Variants in JAKMIP2 observed in about 807,000 individuals in gnomAD.
JAKMIP2 encodes the protein janus kinase and microtubule-interacting protein 2.
JAKMIP2 carries 25 observed loss-of-function variants against 115.0 expected under a neutral mutation model. That is an observed-to-expected ratio of 0.22 (90% CI 0.16 to 0.30). The LOEUF is 0.30. Ranked by LOEUF, JAKMIP2 falls within the 10% of genes least tolerant of loss-of-function variation. The pLI, the probability that JAKMIP2 is intolerant of heterozygous loss-of-function variation, is 1.00. For missense variants in JAKMIP2, 642 were observed against 957.6 expected, an observed-to-expected ratio of 0.67 and a Z score of 4.35; for synonymous variants, 334 against 343.6, an observed-to-expected ratio of 0.97 and a Z score of 0.31.
chr5:147,632,612 T>C (rs1757417811), intron 13 of JAKMIP2, 68 bp downstream of exon 13: 2 of 988,050 alleles, frequency 2.0e-6, no homozygotes, highest in Non-Finnish European at 3.2e-6. Context: ...AGCGCCTAGC[T>C]CCTCAATGTG....
chr5:147,601,996 T>C (rs1755721376), intron 20 of JAKMIP2, among the ~76,000 whole-genome samples, 185 bp from the exon 21 acceptor site: 1 of 152,230 alleles, frequency 6.6e-6, no homozygotes, highest in Non-Finnish European at 1.5e-5. Flanking sequence ...AGTGTTCAAC[T>C]AACATTGATT....
chr5:147,595,520 C>T, intron 21 of JAKMIP2: 2 of 455,282 alleles, frequency 4.4e-6, no homozygotes, highest in Middle Eastern at 6.1e-4. Context: ...CCTCGATCTT[C>T]AATTTCCAGC....
At chr5:147,751,075 T>C (rs1302225092) in intron 1 of JAKMIP2, among the ~76,000 whole-genome samples, 1 of 68,534 alleles carries the variant, frequency 1.5e-5, no homozygotes, top group African/African-American at 1.1e-4. Context: ...TCAGAATGAC[T>C]TTTTTTTTTT....
chr5:147,675,023 C>T (rs1260456063), intron 1 of JAKMIP2, among the ~76,000 whole-genome samples: 2 of 152,150 alleles, frequency 1.3e-5, no homozygotes, highest in Non-Finnish European at 2.9e-5. Flanking sequence ...TTAAACGTTA[C>T]TATTGTTTTG....
intron 1 of JAKMIP2, among the ~76,000 whole-genome samples, chr5:147,738,995 G>C (rs1754033334): frequency 6.6e-6 from 1 of 152,100 alleles, no homozygotes; most frequent in Admixed American, 6.6e-5. Flanking sequence ...CAAAATTTTT[G>C]CGGGTGAAAT....
intron 1 of JAKMIP2, among the ~76,000 whole-genome samples, chr5:147,776,830 A>G (rs1184705130): frequency 1.3e-5 from 2 of 152,188 alleles, no homozygotes; most frequent in Non-Finnish European, 2.9e-5. Context: ...CAGGAGACTA[A>G]GGCACAAGAA....
intron 2 of JAKMIP2, among the ~76,000 whole-genome samples, chr5:147,665,545 T>C (rs1759253033): frequency 6.6e-6 from 1 of 152,208 alleles, no homozygotes; most frequent in Non-Finnish European, 1.5e-5. Flanking sequence ...GGGAAACTTT[T>C]AGCCATTCTT....
chr5:147,622,687 C>T lies in JAKMIP2; in HGVS notation c.2064+934G>A, dbSNP rs375010081. 1.9e-3 allele frequency among the ~76,000 whole-genome samples: 295 copies of T among 152,310 alleles called. 3 individuals are homozygous for T. Among genetic ancestry groups the T allele is most frequent in the African/African-American group, 6.9e-3 (288 of 41,562 alleles). On this transcript the variant is annotated intron_variant, in intron 17 of 21. Coordinates refer to ENST00000616793, the MANE Select transcript of JAKMIP2 (RefSeq NM_001270941.2). ...CATTTGGGTTACTTCTACCTTTTGGCTATTGTGAATAATGCTGCTATGAAC... is the reference window on the plus strand; with the variant it reads ...CATTTGGGTTACTTCTACCTTTTGGTTATTGTGAATAATGCTGCTATGAAC...
rs368386191 is a variant in JAKMIP2, at chr5:147,588,529, C to T, written c.*3178G>A. ...ACACATATCCACAATTTTGCTGATG[C>T]TTTTATAATTGTGAAAATGGATAAT... On this transcript the variant is annotated 3_prime_UTR_variant, in exon 22 of 22. Coordinates refer to ENST00000616793, the MANE Select transcript of JAKMIP2 (RefSeq NM_001270941.2). 14 of 151,066 alleles carry T rather than the reference C, an allele frequency of 9.3e-5. No homozygotes were observed. The South Asian group carries it at 2.5e-3, about 27-fold the overall frequency. The allele number at this position is 151,066 out of a possible 1,614,324, so 9.4% of individuals were successfully genotyped here.
At chr5:147,665,374 C>A (rs921345088) in intron 2 of JAKMIP2, among the ~76,000 whole-genome samples, 3 of 152,116 alleles carry the variant, frequency 2.0e-5, no homozygotes, top group Admixed American at 1.3e-4. Context: ...GCCTTGTTTT[C>A]TATTGATTTA....
At chr5:147,652,894 T>C (rs559946513) in intron 3 of JAKMIP2, among the ~76,000 whole-genome samples, 1 of 152,138 alleles carries the variant, frequency 6.6e-6, no homozygotes, top group Non-Finnish European at 1.5e-5. Flanking sequence ...GTGTGTGATG[T>C]TCCCCTCCCT....
rs1282704826 is a variant in JAKMIP2 at position 147,689,792 on chromosome 5, A to G, written c.-148-17838T>C. ...CCATAACTATATGTGGCTGCAGAAT[A>G]TGGCTATAGCACATTTGTTCAATGA... On this transcript the variant is annotated intron_variant, in intron 1 of 21. Transcript: ENST00000616793. Among the ~76,000 whole-genome samples, 4 of 152,322 alleles carry G rather than the reference A, an allele frequency of 2.6e-5. No homozygotes were observed. In the East Asian group the frequency reaches 7.7e-4, roughly 29 times the overall value.
intron 3 of JAKMIP2, chr5:147,660,314 A>G: frequency 3.4e-6 from 1 of 295,520 alleles, no homozygotes; most frequent in Admixed American, 3.9e-5. Flanking sequence ...GAAACTATAA[A>G]TAGCAAACAA....
intron 21 of JAKMIP2, among the ~76,000 whole-genome samples, chr5:147,597,509 C>G (rs1255999223): frequency 5.3e-5 from 8 of 152,002 alleles, no homozygotes; most frequent in Non-Finnish European, 1.2e-4. Flanking sequence ...ATGAGCTAGG[C>G]CAGTGTATGT....
In JAKMIP2 at chr5:147,587,225, T is replaced by C. The variant is rs1754909430; in HGVS notation, c.*4482A>G. On this transcript the variant is annotated 3_prime_UTR_variant, in exon 22 of 22. Transcript: ENST00000616793. ...TCATGACATAAACAGTCATCTAAGA[T>C]TTGCTTTGAATGTTTATCATTCAAA... 6.6e-6 allele frequency: 1 copy of C among 152,170 alleles called. No homozygotes were observed. Among genetic ancestry groups the C allele is most frequent in the African/African-American group, 2.4e-5 (1 of 41,434 alleles). 9.4% of individuals were successfully genotyped at this position (152,170 alleles called of 1,614,324 possible).
In JAKMIP2 at chr5:147,695,215, T is replaced by C. The variant is rs569820559; in HGVS notation, c.-148-23261A>G. Among the ~76,000 whole-genome samples the C allele has an allele frequency of 2.0e-5, 3 of 152,290 alleles. No individual in the cohort carries two copies. In the East Asian group the frequency reaches 5.8e-4, roughly 29 times the overall value. ...GACAGTTGCCAATGATCCAACTAAATTAAAGTGCTGTTGAATACACGCTTA... is the reference window on the plus strand; with the variant it reads ...GACAGTTGCCAATGATCCAACTAAACTAAAGTGCTGTTGAATACACGCTTA... On this transcript the variant is annotated intron_variant, in intron 1 of 21. Transcript: ENST00000616793.
Position 147,742,155 on chromosome 5 carries a change from A to ATATATATATATATATATATTTTTTT in JAKMIP2, c.-149+40300_-149+40301insAAAAAAATATATATATATATATATA. On this transcript the variant is annotated intron_variant, in intron 1 of 21. Coordinates refer to ENST00000616793, the MANE Select transcript of JAKMIP2 (RefSeq NM_001270941.2). ...TGTGGATCATTATATATATATATATATTTTTTTTACTATTGTATTGTATCT... is the reference window on the plus strand; with the variant it reads ...TGTGGATCATTATATATATATATATATATATATATATATATATATTTTTTTTTTTTTTTACTATTGTATTGTATCT... 9.7e-4 allele frequency among the ~76,000 whole-genome samples: 106 copies of ATATATATATATATATATATTTTTTT among 108,866 alleles called. 8 individuals are homozygous for ATATATATATATATATATATTTTTTT. In the East Asian group the frequency reaches 0.02, roughly 20 times the overall value. 71.4% of individuals were successfully genotyped at this position (108,866 alleles called of 152,430 possible).
chr5:147,702,656 GAAAGA>G (rs1365417612), intron 1 of JAKMIP2, among the ~76,000 whole-genome samples: 1 of 116,218 alleles, frequency 8.6e-6, no homozygotes, highest in Non-Finnish European at 1.7e-5. Flanking sequence ...AAGAAAGAAA[GAAAGA>G]AAGAGAGAGA....
intron 20 of JAKMIP2, among the ~76,000 whole-genome samples, chr5:147,606,204 A>G (rs1336100008): frequency 6.8e-6 from 1 of 146,738 alleles, no homozygotes; most frequent in Non-Finnish European, 1.5e-5. Context: ...CTATTTGTCA[A>G]TTTTGGATTT....
Sources: gnomAD v4.1 joint callset for allele counts (sites outside exome capture counted in the v4.1 genomes callset) on GRCh38, gnomAD v4.1.1 for gene constraint, MANE v1.5 for transcripts, NCBI Gene and HGNC (gene_info 2026-07-23, HGNC 2026-07-21) for gene names.